The following NPFFR2 variants were observed in gnomAD, a reference collection of about 807,000 sequenced individuals.
NPFFR2 encodes neuropeptide FF receptor 2.
In NPFFR2, 15 loss-of-function variants were observed where a neutral mutation model predicts 13.1. The observed-to-expected ratio is 1.15, with a 90% CI of 0.77 to 1.76. The LOEUF (loss-of-function observed/expected upper bound fraction) is 1.76. Ranked by LOEUF, NPFFR2 falls within the 40% of genes most tolerant of loss-of-function variation. The pLI is 0.00. For missense variants in NPFFR2, 572 were observed against 503.5 expected, an observed-to-expected ratio of 1.14 and a Z score of -1.30; for synonymous variants, 190 against 175.7, an observed-to-expected ratio of 1.08 and a Z score of -0.65.
chr4:72,074,015 ACTTTCCAGGGTTTCACTTTCCAT>A (rs1720347024), intron 1 of NPFFR2, among the ~76,000 whole-genome samples: 1 of 9,172 alleles, frequency 1.1e-4, no homozygotes, highest in South Asian at 3.1e-3. Context: ...CATGGGTTTC[ACTTTCCAGGGTTTCACTTTCCAT>A]GGTTTCAGTT....
rs997689157 is a variant in NPFFR2 at position 72,044,150 on chromosome 4, A to G, written c.-8+11950A>G. 6.6e-5 allele frequency among the ~76,000 whole-genome samples: 10 copies of G among 152,208 alleles called. No individual in the cohort carries two copies. The South Asian group carries it at 8.3e-4, about 13-fold the overall frequency. On this transcript the variant is annotated intron_variant, in intron 1 of 3. Coordinates refer to ENST00000308744, the MANE Select transcript of NPFFR2 (RefSeq NM_004885.3). ...AAAGGACATGTTTGCTTCCCCTTCCACCATGATTGTAAGTTTCCTGAGGCC... is the reference window on the plus strand; with the variant it reads ...AAAGGACATGTTTGCTTCCCCTTCCGCCATGATTGTAAGTTTCCTGAGGCC...
At chr4:72,073,510 T>A (rs994782347) in intron 1 of NPFFR2, among the ~76,000 whole-genome samples, 4 of 152,034 alleles carry the variant, frequency 2.6e-5, no homozygotes. Context: ...TTATAAAAGC[T>A]AATGGTGTGG....
intron 3 of NPFFR2, 85 bp downstream of exon 3, chr4:72,138,224 G>GAAAA: frequency 3.7e-6 from 3 of 808,160 alleles, no homozygotes; most frequent in African/African-American, 1.7e-5. Context: ...TACTAAATTT[G>GAAAA]GACATATCTT....
chr4:72,051,979 G>C (rs1352903890), intron 1 of NPFFR2, among the ~76,000 whole-genome samples: 4 of 92,078 alleles, frequency 4.3e-5, no homozygotes, highest in African/African-American at 1.4e-4. Flanking sequence ...CCAATAACAG[G>C]ATCTGAAATT....
intron 1 of NPFFR2, among the ~76,000 whole-genome samples, chr4:72,069,711 G>A (rs1044592341): frequency 5.9e-5 from 9 of 151,986 alleles, no homozygotes; most frequent in Non-Finnish European, 1.0e-4. Flanking sequence ...ATTAATAAAT[G>A]ACAATTAGTA....
chr4:72,036,548 T>G (rs971526330), intron 1 of NPFFR2, among the ~76,000 whole-genome samples: 7 of 147,852 alleles, frequency 4.7e-5, no homozygotes, highest in Non-Finnish European at 7.4e-5. Context: ...AAATATATAG[T>G]ATATATAATG....
chr4:72,075,994 CACACACACACACAGAGAGAGAGAGAG>C (rs1388983128), intron 1 of NPFFR2, among the ~76,000 whole-genome samples: 158 of 18,504 alleles, frequency 8.5e-3, no homozygotes, highest in Non-Finnish European at 0.064. Context: ...CACACACACA[CACACACACACACAGAGAGAGAGAGAG>C]GGCAGACAGC....
chr4:72,101,464 TTAAA>T (rs1201187997), intron 1 of NPFFR2, among the ~76,000 whole-genome samples: 2 of 151,250 alleles, frequency 1.3e-5, no homozygotes, highest in African/African-American at 4.8e-5. Context: ...AATAAAATAT[TTAAA>T]TAAAATATTA....
intron 3 of NPFFR2, among the ~76,000 whole-genome samples, chr4:72,138,792 G>C (rs1301603639): frequency 6.6e-6 from 1 of 152,098 alleles, no homozygotes; most frequent in Non-Finnish European, 1.5e-5. Flanking sequence ...TGGGATTGCT[G>C]GGTCAAATGG....
At chr4:72,041,576 T>C (rs1330822543) in intron 1 of NPFFR2, among the ~76,000 whole-genome samples, 1 of 152,218 alleles carries the variant, frequency 6.6e-6, no homozygotes, top group Non-Finnish European at 1.5e-5. Context: ...ATCTGCAAAC[T>C]GTTTTCCACA....
At chr4:72,080,234 C>T (rs562728252) in intron 1 of NPFFR2, among the ~76,000 whole-genome samples, 5 of 151,684 alleles carry the variant, frequency 3.3e-5, no homozygotes, top group South Asian at 2.1e-4. Flanking sequence ...GTGCAATCTC[C>T]GCTCACTGCA....
At chr4:72,101,178 A>G (rs1049568174) in intron 1 of NPFFR2, among the ~76,000 whole-genome samples, 42 of 152,122 alleles carry the variant, frequency 2.8e-4, no homozygotes, top group African/African-American at 9.9e-4. Context: ...TTTGTTCTTC[A>G]CATCACTTCA....
chr4:72,079,816 T>C (rs1274209945), intron 1 of NPFFR2, among the ~76,000 whole-genome samples: 1 of 152,166 alleles, frequency 6.6e-6, no homozygotes, highest in Non-Finnish European at 1.5e-5. Context: ...ATATGTCCCC[T>C]GGGCCCTGCA....
chr4:72,075,418 C>G (rs1720397268), intron 1 of NPFFR2, among the ~76,000 whole-genome samples: 1 of 151,940 alleles, frequency 6.6e-6, no homozygotes, highest in East Asian at 1.9e-4. Flanking sequence ...AACAGACTAC[C>G]AAAATACATG....
At chr4:72,117,483 T>A (rs1278994539) in intron 1 of NPFFR2, among the ~76,000 whole-genome samples, 1 of 152,176 alleles carries the variant, frequency 6.6e-6, no homozygotes, top group Non-Finnish European at 1.5e-5. Context: ...ACCATAACAT[T>A]ACTGAATGTG....
In NPFFR2 at chr4:72,147,416, C is replaced by T. The variant is rs774565779; in HGVS notation, c.867C>T (p.Pro289=). 6.2e-7 allele frequency: 1 copy of T among 1,613,990 alleles called. No homozygotes were observed. The highest frequency in any genetic ancestry group is 1.3e-5 in the African/African-American group (1 of 74,890). Residue 289 remains proline (P), a synonymous_variant, in exon 4 of 4, where the codon CCC becomes CCT. Coordinates refer to ENST00000308744, the MANE Select transcript of NPFFR2 (RefSeq NM_004885.3). ...VALLFILSWL[P]LWTLMMLSDY... ...TGCTTTTTATTCTCTCATGGCTGCC[C>T]CTGTGGACTCTAATGATGCTCTCAG...
At chr4:72,135,322 C>A (rs1237054370) in intron 2 of NPFFR2, among the ~76,000 whole-genome samples, 1 of 151,896 alleles carries the variant, frequency 6.6e-6, no homozygotes, top group Non-Finnish European at 1.5e-5. Context: ...GGCCTTTAAT[C>A]TTAGGGAATT....
At chr4:72,069,157 T>C in intron 1 of NPFFR2, 1 of 396,966 alleles carries the variant, frequency 2.5e-6, no homozygotes, top group Non-Finnish European at 4.7e-6. Context: ...TAAATCTCAC[T>C]TTTAACTAGA....
At position 72,117,540 on chromosome 4, in the gene NPFFR2, C is replaced by G. The variant is rs145732100; in HGVS notation, c.-7-11045C>G. On this transcript the variant is annotated intron_variant, in intron 1 of 3. Coordinates refer to ENST00000308744, the MANE Select transcript of NPFFR2 (RefSeq NM_004885.3). ...AATTGGCTCTCACTGTAAGCTCACT[C>G]CAGAACACCAGTATTTGTATTCCTC... Among the ~76,000 whole-genome samples, 494 of 152,308 alleles carry G rather than the reference C, an allele frequency of 3.2e-3. 1 individual carries two copies. Among genetic ancestry groups the G allele is most frequent in the Middle Eastern group, 0.01 (3 of 294 alleles).
Sources: gnomAD v4.1 joint callset for allele counts (sites outside exome capture counted in the v4.1 genomes callset) on GRCh38, gnomAD v4.1.1 for gene constraint, MANE v1.5 for transcripts, NCBI Gene and HGNC (gene_info 2026-07-23, HGNC 2026-07-21) for gene names.